Variants in RARB observed in about 807,000 individuals in gnomAD.
RARB encodes retinoic acid receptor beta.
A neutral mutation model predicts 51.9 loss-of-function variants in RARB; 17 were observed. The ratio of observed to expected loss-of-function variants is 0.33; its 90% CI spans 0.22 to 0.49. RARB has a LOEUF of 0.49. RARB is among the 20% of genes least tolerant of loss of function. The pLI is 0.99. For missense variants in RARB, 369 were observed against 550.8 expected (o/e 0.67, Z 3.30); for synonymous variants, 215 against 195.4 (o/e 1.10, Z -0.84).
intron 1 of RARB, among the ~76,000 whole-genome samples, chr3:25,452,028 C>T (rs1054093427): frequency 6.6e-6 from 1 of 152,106 alleles, no homozygotes; most frequent in South Asian, 2.1e-4. Flanking sequence ...CAATTAGCTT[C>T]GTCTACACAT....
At chr3:24,944,345 C>T (rs894609270) in intron 2 of RARB, among the ~76,000 whole-genome samples, 12 of 152,198 alleles carry the variant, frequency 7.9e-5, no homozygotes, top group Admixed American at 3.9e-4. Context: ...AAACATTTGC[C>T]GTATGATTGT....
At chr3:25,175,915 CA>C (rs1160880010) in intron 5 of RARB, among the ~76,000 whole-genome samples, 2 of 152,156 alleles carry the variant, frequency 1.3e-5, no homozygotes, top group African/African-American at 4.8e-5. Flanking sequence ...TACCAGTACT[CA>C]AAATATCTTG....
At chr3:24,972,586 A>T (rs1179316173) in intron 2 of RARB, among the ~76,000 whole-genome samples, 2 of 152,032 alleles carry the variant, frequency 1.3e-5, no homozygotes, top group African/African-American at 4.8e-5. Flanking sequence ...TAGTGGCTAC[A>T]CTAATTTACA....
intron 2 of RARB, among the ~76,000 whole-genome samples, chr3:24,871,653 C>T (rs1233205288): frequency 6.6e-6 from 1 of 152,140 alleles, no homozygotes; most frequent in South Asian, 2.1e-4. Flanking sequence ...ATTGGATATC[C>T]AGCTTCTACT....
intron 2 of RARB, among the ~76,000 whole-genome samples, chr3:25,034,889 C>T (rs1697952067): frequency 6.6e-6 from 1 of 152,218 alleles, no homozygotes; most frequent in Non-Finnish European, 1.5e-5. Flanking sequence ...GCAACTGCAG[C>T]TGGAGCTCAG....
intron 2 of RARB, among the ~76,000 whole-genome samples, chr3:24,859,765 T>C (rs1017197888): frequency 2.0e-5 from 3 of 152,220 alleles, no homozygotes; most frequent in Non-Finnish European, 4.4e-5. Context: ...TTTAGGCTTT[T>C]TGTGGGCCAT....
At chr3:25,215,403 G>A (rs112227152) in intron 5 of RARB, among the ~76,000 whole-genome samples, 38 of 152,286 alleles carry the variant, frequency 2.5e-4, no homozygotes, top group African/African-American at 8.9e-4. Flanking sequence ...ATGTTAAATG[G>A]AAAAGACCAT....
At chr3:24,928,868 A>G (rs886812013) in intron 2 of RARB, among the ~76,000 whole-genome samples, 1 of 152,198 alleles carries the variant, frequency 6.6e-6, no homozygotes, top group Non-Finnish European at 1.5e-5. Context: ...CTTATTTCAC[A>G]TTAGTAATTC....
intron 2 of RARB, among the ~76,000 whole-genome samples, chr3:24,915,786 C>T (rs1031186147): frequency 6.6e-6 from 1 of 152,028 alleles, no homozygotes; most frequent in African/African-American, 2.4e-5. Context: ...ATATGTTGAT[C>T]CTGGGTCTAT....
chr3:25,371,664 C>T (rs1706302812), intron 5 of RARB, among the ~76,000 whole-genome samples: 1 of 152,256 alleles, frequency 6.6e-6, no homozygotes, highest in Non-Finnish European at 1.5e-5. Context: ...ATTATTCTCA[C>T]ATGTGGGTGT....
chr3:24,967,584 G>C (rs1043439288), intron 2 of RARB, among the ~76,000 whole-genome samples: 4 of 152,146 alleles, frequency 2.6e-5, no homozygotes, highest in Non-Finnish European at 5.9e-5. Context: ...GATAGTAAGA[G>C]CCTAGGAATG....
chr3:25,424,736 T>C (rs1391284509), upstream of RARB, among the ~76,000 whole-genome samples: 1 of 152,140 alleles, frequency 6.6e-6, no homozygotes, highest in Admixed American at 6.5e-5. Context: ...CACAAGGTAT[T>C]AGCCCAATTT....
chr3:25,533,088 C>G (rs1443963941), intron 3 of RARB, among the ~76,000 whole-genome samples: 1 of 152,156 alleles, frequency 6.6e-6, no homozygotes, highest in Non-Finnish European at 1.5e-5. Context: ...TAGAGGCTGC[C>G]TCCACTTTTA....
At chr3:25,261,269 T>A (rs1164914348) in intron 5 of RARB, among the ~76,000 whole-genome samples, 1 of 152,132 alleles carries the variant, frequency 6.6e-6, no homozygotes, top group Non-Finnish European at 1.5e-5. Context: ...ATTCTCTTTC[T>A]GGACCCTGCT....
intron 5 of RARB, among the ~76,000 whole-genome samples, chr3:25,341,326 A>T (rs77820862): frequency 0.13 from 19,806 of 152,152 alleles, 1,355 homozygotes; most frequent in South Asian, 0.2. Flanking sequence ...GACATCTTCC[A>T]TCTGTGAAAA....
intron 5 of RARB, among the ~76,000 whole-genome samples, chr3:25,300,735 A>G (rs1468595256): frequency 6.6e-6 from 1 of 152,166 alleles, no homozygotes; most frequent in African/African-American, 2.4e-5. Flanking sequence ...CACACCTGTA[A>G]TCTCAGCACT....
intron 5 of RARB, among the ~76,000 whole-genome samples, chr3:25,586,019 G>A (rs1701370073): frequency 1.3e-5 from 2 of 152,142 alleles, no homozygotes; most frequent in Admixed American, 6.5e-5. Flanking sequence ...GGCCAGGCGG[G>A]GTTGAAGAGC....
At chr3:25,321,866 AT>A (rs908691282) in intron 5 of RARB, among the ~76,000 whole-genome samples, 2 of 143,756 alleles carry the variant, frequency 1.4e-5, no homozygotes, top group African/African-American at 5.4e-5. Context: ...GTTCTCTAAA[AT>A]TTAAAAAAAA....
intron 2 of RARB, among the ~76,000 whole-genome samples, chr3:25,499,600 G>T (rs1456587203): frequency 6.6e-6 from 1 of 152,140 alleles, no homozygotes; most frequent in African/African-American, 2.4e-5. Flanking sequence ...AGGATAAATT[G>T]CTTCTTTTGT....
Sources: gnomAD v4.1 joint callset for allele counts (sites outside exome capture counted in the v4.1 genomes callset) on GRCh38, gnomAD v4.1.1 for gene constraint, MANE v1.5 for transcripts, NCBI Gene and HGNC (gene_info 2026-07-23, HGNC 2026-07-21) for gene names.